Variants in UGT8 observed in about 807,000 individuals in gnomAD.
UGT8 encodes 2-hydroxyacylsphingosine 1-beta-galactosyltransferase.
In UGT8, 12 loss-of-function variants were observed where a neutral mutation model predicts 40.5. The observed-to-expected ratio is 0.30, with a 90% CI of 0.19 to 0.48. The LOEUF is 0.48. Among genes scored for constraint, UGT8 ranks in the 20% least tolerant of loss-of-function variants. The pLI is 0.99. For synonymous variants in UGT8, 224 were observed against 240.4 expected, an observed-to-expected ratio of 0.93 and a Z score of 0.63; for missense variants, 513 against 648.7, an observed-to-expected ratio of 0.79 and a Z score of 2.27.
At chr4:114,624,663 C>T (rs940860579) in intron 2 of UGT8, among the ~76,000 whole-genome samples, 9 of 152,124 alleles carry the variant, frequency 5.9e-5, no homozygotes, top group African/African-American at 2.2e-4. Flanking sequence ...TCCAGATTTT[C>T]TCGTATAGAT....
chr4:114,647,768 G>A (rs1253411763), intron 2 of UGT8, among the ~76,000 whole-genome samples: 1 of 152,142 alleles, frequency 6.6e-6, no homozygotes, highest in Non-Finnish European at 1.5e-5. Context: ...CTAGGGTACT[G>A]GAATTTGCAA....
At chr4:114,635,380 A>G (rs536638610) in intron 2 of UGT8, among the ~76,000 whole-genome samples, 1 of 152,136 alleles carries the variant, frequency 6.6e-6, no homozygotes, top group Non-Finnish European at 1.5e-5. Flanking sequence ...CCACCATATT[A>G]TTTGATTTTG....
At chr4:114,613,669 C>T (rs1731220743) in intron 1 of UGT8, among the ~76,000 whole-genome samples, 1 of 152,136 alleles carries the variant, frequency 6.6e-6, no homozygotes, top group Non-Finnish European at 1.5e-5. Context: ...CTGTATTTCT[C>T]TTATGCACAT....
intron 2 of UGT8, among the ~76,000 whole-genome samples, chr4:114,635,008 CA>C (rs1216440081): frequency 1.3e-5 from 2 of 149,808 alleles, no homozygotes; most frequent in Non-Finnish European, 3.0e-5. Flanking sequence ...ATCAGTTTTA[CA>C]ATTTGTGTAC....
At position 114,671,734 on chromosome 4, in the gene UGT8, C is replaced by T. The variant is rs181229801; in HGVS notation, c.1262+3430C>T. Among the ~76,000 whole-genome samples, 42 of 152,276 alleles carry T rather than the reference C, an allele frequency of 2.8e-4. No individual in the cohort carries two copies. In the East Asian group the frequency reaches 5.8e-3, roughly 21 times the overall value. On this transcript the variant is annotated intron_variant, in intron 5 of 5. Transcript: ENST00000310836. ...AAACCATAAAAACCCTAGAAGAAAA[C>T]CTAAGCAATACCATTCAGGACATAG...
chr4:114,617,306 C>T, intron 1 of UGT8, among the ~76,000 whole-genome samples: 1 of 152,158 alleles, frequency 6.6e-6, no homozygotes, highest in East Asian at 1.9e-4. Flanking sequence ...ATCACTTTTA[C>T]AGATGAACGT....
intron 1 of UGT8, among the ~76,000 whole-genome samples, chr4:114,622,201 G>A (rs201884187): frequency 0.092 from 13,671 of 149,230 alleles, 792 homozygotes; most frequent in Non-Finnish European, 0.12. Flanking sequence ...GAGAATATGC[G>A]GTGTTTGGTT....
Position 114,664,147 on chromosome 4 carries a change from TA to T in UGT8, c.965+12del. 6.2e-7 allele frequency: 1 copy of T among 1,612,798 alleles called. No individual in the cohort carries two copies. Among genetic ancestry groups the T allele is most frequent in the East Asian group, 2.2e-5 (1 of 44,846 alleles). On this transcript the variant is annotated intron_variant, in intron 3 of 5. Coordinates refer to ENST00000310836, the MANE Select transcript of UGT8 (RefSeq NM_001128174.3). ...AAAAAGTGATTTGGAGGTAAGGTAA[TA>T]ATGTAGATTGTTTCTTTGCTATTGA...
chr4:114,676,494 T>C lies in UGT8; in HGVS notation c.*206T>C, dbSNP rs1440529922. ...GAAATGTATTTTATTCAAATACTGATGTAGAGAGTTTTGGCACTGAACCTT... is the reference window on the plus strand; with the variant it reads ...GAAATGTATTTTATTCAAATACTGACGTAGAGAGTTTTGGCACTGAACCTT... On this transcript the variant is annotated 3_prime_UTR_variant, in exon 6 of 6. Coordinates refer to ENST00000310836, the MANE Select transcript of UGT8 (RefSeq NM_001128174.3). 6.3e-6 allele frequency: 3 copies of C among 479,996 alleles called. No homozygotes were observed. The highest frequency in any genetic ancestry group is 1.1e-5 in the Non-Finnish European group (3 of 276,518). 29.7% of individuals were successfully genotyped at this position (479,996 alleles called of 1,614,324 possible). A position where few individuals can be genotyped will look rare whatever the true frequency, so the allele number is the denominator to read the frequency against.
intron 4 of UGT8, chr4:114,667,839 TA>T: frequency 1.2e-6 from 1 of 811,358 alleles, no homozygotes; most frequent in Non-Finnish European, 1.5e-6. Flanking sequence ...ATATTTGTGT[TA>T]AAAATAGTAA....
intron 1 of UGT8, among the ~76,000 whole-genome samples, chr4:114,609,313 C>T (rs1385107416): frequency 6.6e-6 from 1 of 152,062 alleles, no homozygotes; most frequent in East Asian, 1.9e-4. Flanking sequence ...GAGAGATAAG[C>T]TAGGTAAGAT....
intron 2 of UGT8, among the ~76,000 whole-genome samples, chr4:114,643,771 T>A (rs1250169907): frequency 6.8e-6 from 1 of 147,186 alleles, no homozygotes; most frequent in African/African-American, 2.5e-5. Flanking sequence ...AACATAGGCA[T>A]TTTTTTTTTT....
At chr4:114,656,397 G>A (rs150520948) in intron 2 of UGT8, among the ~76,000 whole-genome samples, 87 of 152,180 alleles carry the variant, frequency 5.7e-4, no homozygotes, top group African/African-American at 1.9e-3. Context: ...TTTGAAAGGA[G>A]ACATTTCTTT....
intron 1 of UGT8, among the ~76,000 whole-genome samples, chr4:114,603,623 G>A (rs1276662363): frequency 6.6e-6 from 1 of 152,076 alleles, no homozygotes; most frequent in Non-Finnish European, 1.5e-5. Context: ...CTGAAATGAG[G>A]GGGTGTTAGA....
chr4:114,642,524 G>A (rs1040191609), intron 2 of UGT8, among the ~76,000 whole-genome samples: 5 of 152,090 alleles, frequency 3.3e-5, no homozygotes, highest in African/African-American at 1.2e-4. Flanking sequence ...TTCTCAGGCT[G>A]TGACTATTTT....
intron 1 of UGT8, among the ~76,000 whole-genome samples, chr4:114,608,439 T>A (rs1268112904): frequency 6.6e-6 from 1 of 152,122 alleles, no homozygotes; most frequent in Non-Finnish European, 1.5e-5. Flanking sequence ...GCAATAAGGG[T>A]AAGTTTCCTA....
intron 4 of UGT8, among the ~76,000 whole-genome samples, chr4:114,667,621 A>G (rs1211247693): frequency 6.6e-6 from 1 of 152,170 alleles, no homozygotes; most frequent in African/African-American, 2.4e-5. Flanking sequence ...TTCTTTTTGG[A>G]GAAGCACACA....
At position 114,623,645 on chromosome 4, in the gene UGT8, G is replaced by A; in HGVS notation, c.765G>A (p.Leu255=). 1 of 1,613,128 alleles carries A rather than the reference G, an allele frequency of 6.2e-7. No homozygotes were observed. Among genetic ancestry groups the A allele is most frequent in the Non-Finnish European group, 8.5e-7 (1 of 1,179,142 alleles). ...CACTGGAATTCCCAAGACCCACTCT[G>A]CCTAATGTTGTTTATGTAGGAGGAA... ...DVALEFPRPT[L]PNVVYVGGIL... Residue 255 remains leucine (L), a synonymous_variant, in exon 2 of 6, where the codon CTG becomes CTA. Transcript: ENST00000310836.
At chr4:114,665,361 TC>T in intron 3 of UGT8, 1 of 985,186 alleles carries the variant, frequency 1.0e-6, no homozygotes, top group Non-Finnish European at 1.2e-6. Context: ...GGGAATAACT[TC>T]TAGTGTAGGT....
Sources: allele counts gnomAD v4.1 joint callset (sites outside exome capture counted in the v4.1 genomes callset), GRCh38; gene constraint gnomAD v4.1.1; transcripts MANE v1.5; gene names NCBI Gene and HGNC (gene_info 2026-07-23, HGNC 2026-07-21).